The following PAX8 variants were observed in gnomAD, a reference collection of about 807,000 sequenced individuals.
The protein encoded by PAX8 is paired box protein Pax-8.
A neutral mutation model predicts 52.4 loss-of-function variants in PAX8; 15 were observed. The ratio of observed to expected loss-of-function variants is 0.29; its 90% CI spans 0.19 to 0.44. PAX8 has a LOEUF of 0.44. PAX8 is among the 20% of genes least tolerant of loss of function. PAX8 has a pLI of 1.00. For synonymous variants in PAX8, 284 were observed against 249.7 expected, an observed-to-expected ratio of 1.14 and a Z score of -1.29; for missense variants, 554 against 602.5, an observed-to-expected ratio of 0.92 and a Z score of 0.84.
chr2:113,234,123 T>C (rs13396067), intron 9 of PAX8, among the ~76,000 whole-genome samples: 3,202 of 152,358 alleles, frequency 0.021, 128 homozygotes, highest in African/African-American at 0.073. Context: ...AACTGAGAGC[T>C]AGCTGGCTTC....
At chr2:113,256,015 C>A (rs1692223603) in intron 2 of PAX8, among the ~76,000 whole-genome samples, 2 of 148,214 alleles carry the variant, frequency 1.3e-5, no homozygotes, top group African/African-American at 2.5e-5. Context: ...AAAAAAAGTT[C>A]TCCAGTTCTC....
rs923029584 is a variant in PAX8 at position 113,217,267 on chromosome 2, C to A, written c.*1266G>T. 4.4e-6 allele frequency: 1 copy of A among 228,740 alleles called. No homozygotes were observed. The highest frequency in any genetic ancestry group is 8.7e-6 in the Non-Finnish European group (1 of 115,094). The allele number at this position is 228,740 out of a possible 1,614,324, so 14.2% of individuals were successfully genotyped here. Reference sequence around the variant, plus strand: ...AGATGGTCCCTTCCAGCCCACGGCCCCAAAGTGAGTTTGTCGGCTACTCAG... The same window carrying A: ...AGATGGTCCCTTCCAGCCCACGGCCACAAAGTGAGTTTGTCGGCTACTCAG... On this transcript the variant is annotated 3_prime_UTR_variant, in exon 12 of 12. Transcript: ENST00000429538.
chr2:113,246,858 C>A lies in PAX8; in HGVS notation c.87G>T (p.Val29=). ...AFVNGRPLPE[V]VRQRIVDLAH... ...CCAGGTCTACGATGCGCTGGCGGAC[C>A]ACTTCCGGCAGAGGTCTGCCATTCA... Residue 29 remains valine (V), a synonymous_variant, in exon 3 of 12, where the codon GTG becomes GTT. Transcript: ENST00000429538. 3 of 1,614,244 alleles carry A rather than the reference C, an allele frequency of 1.9e-6. No homozygotes were observed. Among genetic ancestry groups the A allele is most frequent in the Non-Finnish European group, 2.5e-6 (3 of 1,180,020 alleles).
chr2:113,240,468 AAG>A (rs2104479509), intron 7 of PAX8: 1 of 152,382 alleles, frequency 6.6e-6, no homozygotes, highest in Non-Finnish European at 1.5e-5. Flanking sequence ...GGCATGGGCA[AAG>A]AGGGGCAACA....
intron 2 of PAX8, among the ~76,000 whole-genome samples, chr2:113,253,243 C>T (rs1347419713): frequency 6.6e-6 from 1 of 152,124 alleles, no homozygotes; most frequent in Non-Finnish European, 1.5e-5. Context: ...CTCAGTGTTT[C>T]TCTCCCCCTT....
intron 3 of PAX8, 82 bp from the exon 4 acceptor site, chr2:113,244,706 T>C (rs1179572161): frequency 7.9e-7 from 1 of 1,271,698 alleles, no homozygotes; most frequent in African/African-American, 1.5e-5. Flanking sequence ...GCCTCCCTCC[T>C]CTCTGAGGCT....
At chr2:113,261,933 A>G (rs1479063484) in intron 2 of PAX8, among the ~76,000 whole-genome samples, 1 of 151,826 alleles carries the variant, frequency 6.6e-6, no homozygotes, top group African/African-American at 2.4e-5. Context: ...GGTTCAAGCA[A>G]TTCTCCTGCC....
rs1357477764 is a variant in PAX8 at position 113,217,026 on chromosome 2, A to ACAGCTATTC, written c.*1498_*1506dup. The ACAGCTATTC allele has an allele frequency of 3.0e-5, 7 of 231,320 alleles. No homozygotes were observed. The highest frequency in any genetic ancestry group is 2.5e-3 in the Middle Eastern group (2 of 798). 14.3% of individuals were successfully genotyped at this position (231,320 alleles called of 1,614,324 possible). ...AGAGCTGTTTATGCAGGCTCCAGTCACAGCTATTCCCGGATCCCTCACTAA... is the reference window on the plus strand; with the variant it reads ...AGAGCTGTTTATGCAGGCTCCAGTCACAGCTATTCCAGCTATTCCCGGATCCCTCACTAA... On this transcript the variant is annotated 3_prime_UTR_variant, in exon 12 of 12. Coordinates refer to ENST00000429538, the MANE Select transcript of PAX8 (RefSeq NM_003466.4).
intron 9 of PAX8, among the ~76,000 whole-genome samples, chr2:113,233,042 C>T (rs1689993193): frequency 7.0e-6 from 1 of 142,270 alleles, no homozygotes; most frequent in Non-Finnish European, 1.5e-5. Context: ...CCCTCCCCTC[C>T]CCTCCCTTCC....
At chr2:113,230,055 A>G (rs901592245) in intron 9 of PAX8, among the ~76,000 whole-genome samples, 1 of 152,208 alleles carries the variant, frequency 6.6e-6, no homozygotes, top group East Asian at 1.9e-4. Flanking sequence ...TTTAGATTTC[A>G]GCTTGTAAAC....
intron 7 of PAX8, chr2:113,237,880 G>C (rs773011015): frequency 6.6e-6 from 1 of 152,116 alleles, no homozygotes; most frequent in Non-Finnish European, 1.5e-5. Flanking sequence ...GATTTCCATC[G>C]AGCTGGGTTC....
chr2:113,254,803 G>A (rs1692072958), intron 2 of PAX8, among the ~76,000 whole-genome samples: 1 of 152,148 alleles, frequency 6.6e-6, no homozygotes, highest in South Asian at 2.1e-4. Context: ...CTGGGTCCTT[G>A]ACTGTGTCCT....
At chr2:113,251,013 A>G (rs140381826) in intron 2 of PAX8, 1 of 152,356 alleles carries the variant, frequency 6.6e-6, no homozygotes, top group African/African-American at 2.4e-5. Flanking sequence ...CCATGCATAA[A>G]GTCTTGGTGC....
intron 9 of PAX8, among the ~76,000 whole-genome samples, chr2:113,228,709 C>CAGG (rs1034663510): frequency 3.9e-5 from 6 of 152,208 alleles, no homozygotes; most frequent in Non-Finnish European, 7.3e-5. Flanking sequence ...TTTTTCCTCC[C>CAGG]AGGACCTGTG....
chr2:113,248,039 G>A (rs1691466587), intron 2 of PAX8, among the ~76,000 whole-genome samples: 1 of 152,170 alleles, frequency 6.6e-6, no homozygotes, highest in African/African-American at 2.4e-5. Flanking sequence ...GGGAGAGAGG[G>A]GAGAAAACTG....
intron 10 of PAX8, among the ~76,000 whole-genome samples, chr2:113,220,907 T>G (rs1558681321): frequency 1.3e-5 from 2 of 152,238 alleles, no homozygotes; most frequent in Non-Finnish European, 2.9e-5. Flanking sequence ...CTCCTTCTGT[T>G]AATGGATTCT....
At chr2:113,224,851 TAAA>T (rs869305064) in intron 10 of PAX8, among the ~76,000 whole-genome samples, 163 of 19,508 alleles carry the variant, frequency 8.4e-3, no homozygotes, top group Middle Eastern at 0.1. Flanking sequence ...TAAAATAAAA[TAAA>T]ATAAAATAAA....
chr2:113,242,239 G>T, intron 5 of PAX8, 109 bp from the exon 6 acceptor site: 1 of 877,690 alleles, frequency 1.1e-6, no homozygotes, highest in Non-Finnish European at 1.8e-6. Context: ...GGCTGGGGGA[G>T]AGGGAGAGGA....
At chr2:113,226,063 C>T (rs1453550514) in intron 10 of PAX8, 5 of 985,668 alleles carry the variant, frequency 5.1e-6, no homozygotes, top group Non-Finnish European at 6.0e-6. Context: ...GCCAGCTCAG[C>T]AGGTTCCCAG....
Sources: allele counts gnomAD v4.1 joint callset (sites outside exome capture counted in the v4.1 genomes callset), GRCh38; gene constraint gnomAD v4.1.1; transcripts MANE v1.5; gene names NCBI Gene and HGNC (gene_info 2026-07-23, HGNC 2026-07-21).